The following ELK4 variants were observed in gnomAD, a reference collection of about 807,000 sequenced individuals.
ELK4 encodes the protein ETS transcription factor ELK4, also known as ETS domain-containing protein Elk-4.
A neutral mutation model predicts 29.6 loss-of-function variants in ELK4; 16 were observed. That is an observed-to-expected ratio of 0.54 (90% CI 0.37 to 0.82). The LOEUF (loss-of-function observed/expected upper bound fraction) is 0.82. Ranked by LOEUF, ELK4 falls within the 40% of genes least tolerant of loss-of-function variation. The pLI, the probability that ELK4 is intolerant of heterozygous loss-of-function variation, is 0.00. For missense variants in ELK4, 465 were observed against 507.1 expected (o/e 0.92, Z 0.80); for synonymous variants, 213 against 191.1 (o/e 1.11, Z -0.95).
chr1:205,620,042 C>T lies in ELK4; in HGVS notation c.1004G>A (p.Ser335Asn), dbSNP rs1423095487. 6.2e-7 allele frequency: 1 copy of T among 1,614,090 alleles called. No homozygotes were observed. Among genetic ancestry groups the T allele is most frequent in the Admixed American group, 1.7e-5 (1 of 59,998 alleles). Residue 335 changes from serine (S) to asparagine (N), a missense_variant, in exon 3 of 5, where the codon AGC becomes AAC. By Grantham distance (46) the Ser-to-Asn change is conservative. Around this residue, in one of 2 missense-constraint regions of ELK4, gnomAD observed 80 missense variants for 119.6 expected, o/e 0.67. Transcript: ENST00000357992. ...TATTCCCAGTGGGCTTGGATCACTG[C>T]TCGTGATCACAAGGGTGGGTGCCAG... ...LELAPTLVIT[S>N]SDPSPLGILS...
chr1:205,631,711 TG>T lies in ELK4; in HGVS notation c.-90del. 1 of 338,934 alleles carries T rather than the reference TG, an allele frequency of 3.0e-6. No individual in the cohort carries two copies. The highest frequency in any genetic ancestry group is 6.1e-6 in the Non-Finnish European group (1 of 163,964). 21.0% of individuals were successfully genotyped at this position (338,934 alleles called of 1,614,324 possible). On this transcript the variant is annotated 5_prime_UTR_variant, in exon 1 of 5. An upstream open reading frame in the 5' UTR loses its in-frame stop. Transcript: ENST00000357992. ...TCCGCCCTCAGCCTCCTCCTCACGC[TG>T]GAAACTCGAGGACGGCGCGGCAGCC...
In ELK4 at chr1:205,610,905, A is replaced by G. The variant is rs564805168; in HGVS notation, c.*5641T>C. 138 of 228,578 alleles carry G rather than the reference A, an allele frequency of 6.0e-4. No homozygotes were observed. The highest frequency in any genetic ancestry group is 9.6e-4 in the Non-Finnish European group (111 of 115,120). 14.2% of individuals were successfully genotyped at this position (228,578 alleles called of 1,614,324 possible). On this transcript the variant is annotated 3_prime_UTR_variant, in exon 5 of 5. Coordinates refer to ENST00000357992, the MANE Select transcript of ELK4 (RefSeq NM_001973.4). ...GTCTCCCAATTAAATATTTCAAAGT[A>G]AAGTTTTCAACCTCATAAAACTTCC...
chr1:205,621,799 G>A (rs1170237050), intron 2 of ELK4, among the ~76,000 whole-genome samples: 1 of 151,986 alleles, frequency 6.6e-6, no homozygotes, highest in South Asian at 2.1e-4. Context: ...GATTACAGGC[G>A]TGAGCCACCG....
intron 4 of ELK4, among the ~76,000 whole-genome samples, chr1:205,617,877 GACA>G (rs1165872498): frequency 2.6e-5 from 4 of 151,914 alleles, no homozygotes; most frequent in South Asian, 2.1e-4. Context: ...TTCTGGCCTG[GACA>G]ACAAGAGCAA....
Position 205,623,658 on chromosome 1 carries a change from G to GAT in ELK4, c.207+16_207+17dup. 6.2e-7 allele frequency: 1 copy of GAT among 1,612,736 alleles called. No homozygotes were observed. The highest frequency in any genetic ancestry group is 8.5e-7 in the Non-Finnish European group (1 of 1,179,170). ...TCTGGAGGTTCTCTGTATAGTATAA[G>GAT]ATCAGGATGTGTACTACCTTTACAT... On this transcript the variant is annotated intron_variant, in intron 2 of 4. Transcript: ENST00000357992.
intron 2 of ELK4, among the ~76,000 whole-genome samples, chr1:205,621,389 T>C (rs1441595650): frequency 6.6e-6 from 1 of 152,154 alleles, no homozygotes; most frequent in East Asian, 1.9e-4. Flanking sequence ...ATATGTTACA[T>C]AAAAACTGAA....
intron 4 of ELK4, among the ~76,000 whole-genome samples, 190 bp downstream of exon 4, chr1:205,618,767 G>A (rs1670277257): frequency 6.6e-6 from 1 of 152,202 alleles, no homozygotes; most frequent in Non-Finnish European, 1.5e-5. Context: ...AGGTTGCAGT[G>A]AGCTGAGATT....
chr1:205,630,957 T>G (rs12025838), intron 1 of ELK4, among the ~76,000 whole-genome samples: 18,418 of 152,264 alleles, frequency 0.12, 1,344 homozygotes, highest in East Asian at 0.34. Context: ...AAATTTCAAA[T>G]AGCAATAGCT....
At chr1:205,625,135 C>G (rs757875925) in intron 1 of ELK4, among the ~76,000 whole-genome samples, 1 of 151,986 alleles carries the variant, frequency 6.6e-6, no homozygotes, top group Non-Finnish European at 1.5e-5. Context: ...TAAAACACTA[C>G]AAGAACAGAT....
chr1:205,615,698 A>G lies in ELK4; in HGVS notation c.*848T>C, dbSNP rs1670221600. 4.8e-6 allele frequency: 1 copy of G among 209,038 alleles called. No individual in the cohort carries two copies. Among genetic ancestry groups the G allele is most frequent in the African/African-American group, 2.3e-5 (1 of 44,004 alleles). 12.9% of individuals were successfully genotyped at this position (209,038 alleles called of 1,614,324 possible). On this transcript the variant is annotated 3_prime_UTR_variant, in exon 5 of 5. Coordinates refer to ENST00000357992, the MANE Select transcript of ELK4 (RefSeq NM_001973.4). ...CAAAATCCAAGTTCATCCTCCTAAA[A>G]GTGATCATTTCCCATGCTGTATTCC...
chr1:205,617,237 A>G (rs1042397241), intron 4 of ELK4, among the ~76,000 whole-genome samples: 2 of 152,218 alleles, frequency 1.3e-5, no homozygotes, highest in Admixed American at 6.5e-5. Flanking sequence ...TTTCTATTCA[A>G]TAATTTTAAA....
chr1:205,624,016 T>C, intron 1 of ELK4, 125 bp from the exon 2 acceptor site: 1 of 826,192 alleles, frequency 1.2e-6, no homozygotes. Context: ...ATAAGGTAGA[T>C]ACTACTGCAT....
At chr1:205,630,346 G>A (rs529377853) in intron 1 of ELK4, among the ~76,000 whole-genome samples, 3 of 152,248 alleles carry the variant, frequency 2.0e-5, no homozygotes, top group African/African-American at 7.2e-5. Flanking sequence ...TTAAGGAAAG[G>A]AAGTCTCTAT....
At chr1:205,631,556 G>GGCCCCC (rs1558025783) in intron 1 of ELK4, 76 bp downstream of exon 1, 2 of 156,130 alleles carry the variant, frequency 1.3e-5, no homozygotes, top group African/African-American at 4.9e-5. Flanking sequence ...CGCGCCCCTC[G>GGCCCCC]GCCCCCGCCC....
rs1433390435 is a variant in ELK4, at chr1:205,620,084, T to C, written c.962A>G (p.Lys321Arg). The change falls in exon 3 of 5, where the codon AAA (lysine) becomes AGA (arginine). Residue 321 changes from lysine to arginine, a missense_variant. Physicochemically the swap from Lys to Arg is conservative, Grantham distance 26. Around this residue, in one of 2 missense-constraint regions of ELK4, gnomAD observed 385 missense variants for 387.5 expected, o/e 0.99. Transcript: ENST00000357992. ...DKVNNSSRSK[K>R]PKGLELAPTL... Reference sequence around the variant, plus strand: ...GGGTGCCAGTTCTAACCCTTTGGGTTTCTTGGATCTTGATGAATTATTTAC... The same window carrying C: ...GGGTGCCAGTTCTAACCCTTTGGGTCTCTTGGATCTTGATGAATTATTTAC... 6 of 1,614,200 alleles carry C rather than the reference T, an allele frequency of 3.7e-6. No individual in the cohort carries two copies. The Admixed American group carries it at 1.0e-4, about 27-fold the overall frequency.
rs1670227090 is a variant in ELK4 at position 205,616,030 on chromosome 1, ATTC to A, written c.*513_*515del. The stretch of plus-strand genomic sequence containing the variant: ...ATCTTACTTTGTATGAATAGGAATG[ATTC>A]TTCTTCTTCCACTGCTTAGGAACAG... On this transcript the variant is annotated 3_prime_UTR_variant, in exon 5 of 5. Coordinates refer to ENST00000357992, the MANE Select transcript of ELK4 (RefSeq NM_001973.4). The A allele has an allele frequency of 2.7e-5, 6 of 225,408 alleles. No individual in the cohort carries two copies. The highest frequency in any genetic ancestry group is 3.5e-4 in the South Asian group (2 of 5,720). The allele number at this position is 225,408 out of a possible 1,614,324, so 14.0% of individuals were successfully genotyped here.
chr1:205,611,449 G>A lies in ELK4; in HGVS notation c.*5097C>T, dbSNP rs978285712. 1 of 209,016 alleles carries A rather than the reference G, an allele frequency of 4.8e-6. No homozygotes were observed. Among genetic ancestry groups the A allele is most frequent in the Non-Finnish European group, 9.7e-6 (1 of 102,884 alleles). 12.9% of individuals were successfully genotyped at this position (209,016 alleles called of 1,614,324 possible). Reference sequence around the variant, plus strand: ...TCTGATGACATAAGAGGAATAACAGGGCACTTTGTTTCAGGCAATGCCAGC... The same window carrying A: ...TCTGATGACATAAGAGGAATAACAGAGCACTTTGTTTCAGGCAATGCCAGC... On this transcript the variant is annotated 3_prime_UTR_variant, in exon 5 of 5. Coordinates refer to ENST00000357992, the MANE Select transcript of ELK4 (RefSeq NM_001973.4).
chr1:205,631,536 T>A (rs1670589467), intron 1 of ELK4, 96 bp downstream of exon 1: 1 of 153,064 alleles, frequency 6.5e-6, no homozygotes, highest in Non-Finnish European at 1.4e-5. Context: ...CCCCACTTCC[T>A]GTTGTGCCGC....
chr1:205,620,972 G>A (rs1018389623), intron 2 of ELK4, 134 bp from the exon 3 acceptor site: 18 of 980,120 alleles, frequency 1.8e-5, no homozygotes, highest in South Asian at 3.6e-5. Flanking sequence ...CGAGGAGGGC[G>A]GATCACGAGG....
Sources: allele counts gnomAD v4.1 joint callset (sites outside exome capture counted in the v4.1 genomes callset), GRCh38; gene constraint gnomAD v4.1.1; regional missense constraint gnomAD v4.1.1; transcripts MANE v1.5; gene names NCBI Gene and HGNC (gene_info 2026-07-23, HGNC 2026-07-21).